ARHGAP26: variants seen among roughly 807,000 people sequenced by gnomAD.
ARHGAP26 encodes the protein Rho GTPase activating protein 26, also known as rho GTPase-activating protein 26.
A neutral mutation model predicts 104.8 loss-of-function variants in ARHGAP26; 38 were observed. The observed-to-expected ratio is 0.36, with a 90% CI of 0.28 to 0.48. The LOEUF (loss-of-function observed/expected upper bound fraction) is 0.48, where lower values mean the gene tolerates loss of function less well. Ranked by LOEUF, ARHGAP26 falls within the 20% of genes least tolerant of loss-of-function variation. The pLI, the probability that ARHGAP26 is intolerant of heterozygous loss-of-function variation, is 0.99. For missense variants in ARHGAP26, 704 were observed against 947.9 expected, an observed-to-expected ratio of 0.74 and a Z score of 3.38; for synonymous variants, 341 against 340.0, an observed-to-expected ratio of 1.00 and a Z score of -0.03.
intron 11 of ARHGAP26, among the ~76,000 whole-genome samples, chr5:142,967,329 A>G (rs830286): frequency 0.38 from 58,065 of 151,966 alleles, 12,399 homozygotes; most frequent in East Asian, 0.78. Context: ...TAGAAGGTGT[A>G]TGTGGCATCA....
intron 20 of ARHGAP26, among the ~76,000 whole-genome samples, chr5:143,201,257 C>T (rs1807675570): frequency 6.6e-6 from 1 of 152,168 alleles, no homozygotes; most frequent in African/African-American, 2.4e-5. Flanking sequence ...GGCAGGACCC[C>T]AGGAATATTT....
intron 1 of ARHGAP26, among the ~76,000 whole-genome samples, chr5:142,776,513 T>A (rs1475892375): frequency 6.6e-6 from 1 of 152,252 alleles, no homozygotes; most frequent in Non-Finnish European, 1.5e-5. Context: ...GTCTTATGCA[T>A]CTGGCTTCTT....
chr5:142,907,930 T>A (rs925109842), intron 9 of ARHGAP26, 126 bp downstream of exon 9: 14 of 540,032 alleles, frequency 2.6e-5, no homozygotes, highest in East Asian at 3.9e-5. Context: ...ATTAATAATT[T>A]AAAAAATTTT....
intron 20 of ARHGAP26, among the ~76,000 whole-genome samples, chr5:143,182,732 T>C (rs376744336): frequency 6.6e-6 from 1 of 152,196 alleles, no homozygotes; most frequent in South Asian, 2.1e-4. Flanking sequence ...AATCCCTTGC[T>C]CTATGTGTGT....
At chr5:143,128,576 A>T (rs1161784447) in intron 18 of ARHGAP26, among the ~76,000 whole-genome samples, 1 of 152,198 alleles carries the variant, frequency 6.6e-6, no homozygotes, top group Non-Finnish European at 1.5e-5. Flanking sequence ...GTTACAATAC[A>T]TAAGCCCTGC....
chr5:143,211,424 C>T (rs1187506339), intron 21 of ARHGAP26, among the ~76,000 whole-genome samples: 2 of 152,110 alleles, frequency 1.3e-5, no homozygotes, highest in Non-Finnish European at 2.9e-5. Context: ...TTAAAAGCAC[C>T]TCTTCTGTCA....
At position 142,770,767 on chromosome 5, in the gene ARHGAP26, G is replaced by T. The variant is rs1177940561; in HGVS notation, c.6G>T (p.Gly2=). ...GGCTGGGCGCCGCGCGCACCATGGGGCTCCCAGCGCTCGAGTTCAGCGACT... is the reference window on the plus strand; with the variant it reads ...GGCTGGGCGCCGCGCGCACCATGGGTCTCCCAGCGCTCGAGTTCAGCGACT... M[G]LPALEFSDCC... Residue 2 remains glycine, a synonymous_variant, in exon 1 of 23, where the codon GGG becomes GGT. Coordinates refer to ENST00000645722, the MANE Select transcript of ARHGAP26 (RefSeq NM_001135608.3). 3 of 1,514,622 alleles carry T rather than the reference G, an allele frequency of 2.0e-6. No individual in the cohort carries two copies. The highest frequency in any genetic ancestry group is 1.4e-5 in the African/African-American group (1 of 70,120). 93.8% of individuals were successfully genotyped at this position (1,514,622 alleles called of 1,614,324 possible).
At chr5:143,027,194 T>C (rs1781177953) in intron 12 of ARHGAP26, among the ~76,000 whole-genome samples, 1 of 150,054 alleles carries the variant, frequency 6.7e-6, no homozygotes, top group African/African-American at 2.5e-5. Flanking sequence ...TTTTTTGAGA[T>C]GGAGTCTTAC....
intron 20 of ARHGAP26, among the ~76,000 whole-genome samples, chr5:143,160,555 G>A (rs948017703): frequency 2.0e-5 from 3 of 151,448 alleles, no homozygotes; most frequent in African/African-American, 7.3e-5. Flanking sequence ...TGCAATCACA[G>A]CTCACTGCAG....
At chr5:143,215,569 A>G (rs763301047) in intron 22 of ARHGAP26, among the ~76,000 whole-genome samples, 2 of 152,176 alleles carry the variant, frequency 1.3e-5, no homozygotes, top group Non-Finnish European at 2.9e-5. Context: ...TAATTCCAGA[A>G]TATTTTCATC....
chr5:143,044,346 G>A (rs1783914832), intron 14 of ARHGAP26, among the ~76,000 whole-genome samples: 1 of 152,120 alleles, frequency 6.6e-6, no homozygotes, highest in Admixed American at 6.5e-5. Flanking sequence ...TGGGCTTGGT[G>A]TGGCTTTGTT....
In ARHGAP26 at chr5:142,973,372, A is replaced by G. The variant is rs575832942; in HGVS notation, c.1108-40708A>G. ...CACTGTGACAGTAGCGACATCCAAA[A>G]CTTCTTGAATAATGTGATCTCATTT... On this transcript the variant is annotated intron_variant, in intron 11 of 22. Coordinates refer to ENST00000645722, the MANE Select transcript of ARHGAP26 (RefSeq NM_001135608.3). Among the ~76,000 whole-genome samples the G allele has an allele frequency of 2.7e-4, 41 of 152,276 alleles. 1 individual carries two copies. The South Asian group carries it at 7.9e-3, about 29-fold the overall frequency.
At chr5:143,221,424 CAAA>C (rs56114785) in intron 22 of ARHGAP26, among the ~76,000 whole-genome samples, 8 of 83,618 alleles carry the variant, frequency 9.6e-5, no homozygotes, top group Non-Finnish European at 1.5e-4. Flanking sequence ...TGACAGCAAC[CAAA>C]AAAAAAAAAA....
At chr5:143,080,172 A>G (rs1789597381) in intron 17 of ARHGAP26, among the ~76,000 whole-genome samples, 1 of 152,202 alleles carries the variant, frequency 6.6e-6, no homozygotes, top group Non-Finnish European at 1.5e-5. Context: ...GATGCCTATT[A>G]TATACCAAGT....
intron 10 of ARHGAP26, 147 bp from the exon 11 acceptor site, chr5:142,931,900 G>A: frequency 2.8e-6 from 2 of 702,168 alleles, no homozygotes; most frequent in Non-Finnish European, 5.0e-6. Context: ...GTAGAAGGTG[G>A]CTTAGTAAAG....
At chr5:142,902,221 A>T (rs746277956) in intron 7 of ARHGAP26, among the ~76,000 whole-genome samples, 182 bp downstream of exon 7, 3 of 151,882 alleles carry the variant, frequency 2.0e-5, no homozygotes, top group Non-Finnish European at 4.4e-5. Context: ...GAGTTAGACC[A>T]TCATCCTCTT....
intron 1 of ARHGAP26, among the ~76,000 whole-genome samples, chr5:142,849,817 C>T (rs1349510210): frequency 6.6e-6 from 1 of 152,162 alleles, no homozygotes; most frequent in Admixed American, 6.5e-5. Context: ...GTCTGCTTCA[C>T]CTCCCATGCT....
chr5:143,168,016 T>A (rs1290718914), intron 20 of ARHGAP26, among the ~76,000 whole-genome samples: 1 of 152,212 alleles, frequency 6.6e-6, no homozygotes, highest in Non-Finnish European at 1.5e-5. Context: ...AAAGTGCTGC[T>A]GGAATTCCTA....
chr5:143,022,128 G>A (rs776327359), intron 12 of ARHGAP26, among the ~76,000 whole-genome samples: 3 of 152,138 alleles, frequency 2.0e-5, no homozygotes, highest in Non-Finnish European at 4.4e-5. Flanking sequence ...CTGGAGTGCA[G>A]TGGTGTGATC....
Sources: allele counts gnomAD v4.1 joint callset (sites outside exome capture counted in the v4.1 genomes callset), GRCh38; gene constraint gnomAD v4.1.1; transcripts MANE v1.5; gene names NCBI Gene and HGNC (gene_info 2026-07-23, HGNC 2026-07-21).